BAZ2B: variants seen among roughly 807,000 people sequenced by gnomAD.
BAZ2B encodes the protein bromodomain adjacent to zinc finger domain 2B.
Under a neutral mutation model 246.0 loss-of-function variants are expected in BAZ2B, and 91 were observed. The observed-to-expected ratio is 0.37, with a 90% CI of 0.31 to 0.44. The LOEUF is 0.44. BAZ2B is among the 20% of genes least tolerant of loss of function. BAZ2B has a pLI of 1.00. For missense variants in BAZ2B, 2,332 were observed against 2,533.7 expected (o/e 0.92, Z 1.71); for synonymous variants, 855 against 860.0 (o/e 0.99, Z 0.10).
chr2:159,366,000 A>G (rs905576317), intron 27 of BAZ2B, among the ~76,000 whole-genome samples: 2 of 152,162 alleles, frequency 1.3e-5, no homozygotes, highest in Non-Finnish European at 2.9e-5. Context: ...AACATACTCA[A>G]CTGTGGAGGA....
At chr2:159,521,069 T>G (rs1559682962) in intron 2 of BAZ2B, among the ~76,000 whole-genome samples, 2 of 152,102 alleles carry the variant, frequency 1.3e-5, no homozygotes, top group African/African-American at 4.8e-5. Context: ...TGGCATAATA[T>G]ATACACTCCC....
At chr2:159,316,482 G>A (rs1179277218), downstream of BAZ2B, among the ~76,000 whole-genome samples, 1 of 151,750 alleles carries the variant, frequency 6.6e-6, no homozygotes, top group African/African-American at 2.4e-5. Flanking sequence ...ACGAGGTCAG[G>A]AGATCGAGAC....
chr2:159,629,643 C>T, the BAZ2B span, among the ~76,000 whole-genome samples: 3 of 148,002 alleles, frequency 2.0e-5, no homozygotes, highest in Non-Finnish European at 3.0e-5. Context: ...ATGGACACAG[C>T]GAGGGGAACG....
the BAZ2B span, among the ~76,000 whole-genome samples, chr2:159,682,090 A>T: frequency 6.6e-6 from 1 of 152,008 alleles, no homozygotes; most frequent in African/African-American, 2.4e-5. Flanking sequence ...GAACGTAGTC[A>T]ACCCATCAAT....
At chr2:159,538,537 C>T (rs2086283615) in intron 2 of BAZ2B, among the ~76,000 whole-genome samples, 1 of 152,180 alleles carries the variant, frequency 6.6e-6, no homozygotes, top group African/African-American at 2.4e-5. Flanking sequence ...GTTGTACAGG[C>T]ATTCTCATGT....
chr2:159,421,008 C>T (rs2068648630), intron 13 of BAZ2B, among the ~76,000 whole-genome samples: 1 of 152,132 alleles, frequency 6.6e-6, no homozygotes, highest in Non-Finnish European at 1.5e-5. Context: ...TCTATCACTC[C>T]TCTAAAATCA....
chr2:159,448,316 G>A lies in BAZ2B; in HGVS notation c.428C>T (p.Pro143Leu). 1 of 1,613,326 alleles carries A rather than the reference G, an allele frequency of 6.2e-7. No homozygotes were observed. Among genetic ancestry groups the A allele is most frequent in the Non-Finnish European group, 8.5e-7 (1 of 1,179,820 alleles). The change falls in exon 5 of 37, where the codon CCA becomes CTA. Residue 143 changes from proline to leucine, a missense_variant. Physicochemically the swap from Pro to Leu is moderately conservative, Grantham distance 98. Transcript: ENST00000392783. ...TGAAGAAGAATCATGATTCTGGGCT[G>A]GGGGAGCAAATAGTGGTGGAATTCC... ...LLGIPPLFAPPAQNHDSSSFH... is the reference protein window; with the variant it reads ...LLGIPPLFAPLAQNHDSSSFH...
intron 3 of BAZ2B, among the ~76,000 whole-genome samples, chr2:159,458,095 C>T (rs988810048): frequency 2.0e-5 from 3 of 152,132 alleles, no homozygotes; most frequent in Non-Finnish European, 2.9e-5. Flanking sequence ...GCAACCTCTG[C>T]CTCCCGGGTT....
At chr2:159,668,565 T>G in the BAZ2B span, among the ~76,000 whole-genome samples, 2 of 152,210 alleles carry the variant, frequency 1.3e-5, no homozygotes, top group African/African-American at 4.8e-5. Flanking sequence ...ATCTCAATCA[T>G]GTAGGTAGGT....
intron 2 of BAZ2B, among the ~76,000 whole-genome samples, chr2:159,495,654 A>T (rs1408390308): frequency 6.6e-6 from 1 of 152,066 alleles, no homozygotes; most frequent in Non-Finnish European, 1.5e-5. Context: ...CAAATTTATG[A>T]TTCATCTTTA....
At chr2:159,653,620 G>A in the BAZ2B span, among the ~76,000 whole-genome samples, 1 of 152,106 alleles carries the variant, frequency 6.6e-6, no homozygotes, top group African/African-American at 2.4e-5. Flanking sequence ...AGAAAACCTG[G>A]ATCTTCTGGC....
chr2:159,595,171 C>T (rs1690381006), intron 1 of BAZ2B, among the ~76,000 whole-genome samples: 1 of 151,632 alleles, frequency 6.6e-6, no homozygotes, highest in East Asian at 1.9e-4. Context: ...GGCATGACCT[C>T]GGCTCACCGC....
intron 1 of BAZ2B, among the ~76,000 whole-genome samples, chr2:159,587,171 C>T (rs925652900): frequency 2.3e-4 from 35 of 151,948 alleles, no homozygotes; most frequent in African/African-American, 8.0e-4. Flanking sequence ...CTCCACCTCC[C>T]GGGTTCACGC....
intron 1 of BAZ2B, among the ~76,000 whole-genome samples, chr2:159,594,182 C>T (rs1391579692): frequency 6.6e-6 from 1 of 152,132 alleles, no homozygotes; most frequent in Non-Finnish European, 1.5e-5. Context: ...GGCGGGCGGC[C>T]TACCTTGTGG....
chr2:159,544,755 T>C (rs2087098121), intron 2 of BAZ2B, among the ~76,000 whole-genome samples: 1 of 152,166 alleles, frequency 6.6e-6, no homozygotes, highest in African/African-American at 2.4e-5. Flanking sequence ...GGAGAGGTAG[T>C]GGCACTTCGA....
chr2:159,602,332 GT>G (rs1375132147), intron 1 of BAZ2B, among the ~76,000 whole-genome samples: 1 of 152,138 alleles, frequency 6.6e-6, no homozygotes, highest in Non-Finnish European at 1.5e-5. Flanking sequence ...CCTAGCATTG[GT>G]ATGCTAGAGC....
At chr2:159,573,551 G>A (rs1405299501) in intron 1 of BAZ2B, among the ~76,000 whole-genome samples, 4 of 152,106 alleles carry the variant, frequency 2.6e-5, no homozygotes, top group Admixed American at 2.0e-4. Context: ...AGGTAAAAAC[G>A]TAAAATTCCT....
chr2:159,452,126 T>C (rs551451809), intron 4 of BAZ2B, among the ~76,000 whole-genome samples: 1 of 152,296 alleles, frequency 6.6e-6, no homozygotes, highest in Admixed American at 6.5e-5. Context: ...TCCACTCACA[T>C]TACTCCTCCT....
chr2:159,534,783 T>C (rs1449480179), intron 2 of BAZ2B, among the ~76,000 whole-genome samples: 1 of 152,136 alleles, frequency 6.6e-6, no homozygotes, highest in Admixed American at 6.5e-5. Context: ...ATTTTTGTAT[T>C]TTTAGTAGAT....
Sources: allele counts gnomAD v4.1 joint callset (sites outside exome capture counted in the v4.1 genomes callset), GRCh38; gene constraint gnomAD v4.1.1; transcripts MANE v1.5; gene names NCBI Gene and HGNC (gene_info 2026-07-23, HGNC 2026-07-21).